MTUS2: variants seen among roughly 807,000 people sequenced by gnomAD.
The protein encoded by MTUS2 is microtubule-associated tumor suppressor candidate 2.
A neutral mutation model predicts 114.1 loss-of-function variants in MTUS2; 40 were observed. The ratio of observed to expected loss-of-function variants is 0.35; its 90% CI spans 0.27 to 0.46. The LOEUF is 0.46. Among genes scored for constraint, MTUS2 ranks in the 20% least tolerant of loss-of-function variants. The probability of loss-of-function intolerance (pLI) is 1.00; values close to 1 mark genes in which losing one functional copy is unlikely to be tolerated. For missense variants in MTUS2, 1,679 were observed against 1,705.4 expected, an observed-to-expected ratio of 0.98 and a Z score of 0.27; for synonymous variants, 688 against 672.0, an observed-to-expected ratio of 1.02 and a Z score of -0.37.
At chr13:29,332,338 T>C (rs567609052) in intron 7 of MTUS2, among the ~76,000 whole-genome samples, 2 of 152,204 alleles carry the variant, frequency 1.3e-5, no homozygotes, top group Non-Finnish European at 2.9e-5. Context: ...TTTTCAAGTT[T>C]ATTTGAGTAG....
At chr13:29,144,807 A>G (rs773864021) in intron 5 of MTUS2, among the ~76,000 whole-genome samples, 68 of 152,252 alleles carry the variant, frequency 4.5e-4, no homozygotes, top group Admixed American at 1.8e-3. Flanking sequence ...TTGATTATAA[A>G]TAAGTCACAG....
intron 8 of MTUS2, among the ~76,000 whole-genome samples, chr13:29,433,214 T>C (rs1251769174): frequency 6.6e-6 from 1 of 152,244 alleles, no homozygotes; most frequent in Non-Finnish European, 1.5e-5. Flanking sequence ...GATGTCTTTT[T>C]ACCCAGTGAC....
At chr13:29,050,588 A>C (rs1477203384) in intron 4 of MTUS2, among the ~76,000 whole-genome samples, 1 of 152,110 alleles carries the variant, frequency 6.6e-6, no homozygotes, top group African/African-American at 2.4e-5. Flanking sequence ...CATCAGCGTC[A>C]TCTTACCCCC....
chr13:29,179,527 G>C (rs766959681), intron 5 of MTUS2, among the ~76,000 whole-genome samples: 1 of 152,158 alleles, frequency 6.6e-6, no homozygotes, highest in Non-Finnish European at 1.5e-5. Flanking sequence ...GACTGAGGAG[G>C]TGTTTATACC....
At chr13:29,370,536 G>C (rs1306113433) in intron 8 of MTUS2, among the ~76,000 whole-genome samples, 2 of 152,158 alleles carry the variant, frequency 1.3e-5, no homozygotes, top group East Asian at 3.9e-4. Context: ...CATTATCCTG[G>C]AGTGGACTCT....
chr13:29,285,806 T>G (rs771586000), intron 6 of MTUS2, among the ~76,000 whole-genome samples: 19 of 152,326 alleles, frequency 1.2e-4, no homozygotes, highest in Non-Finnish European at 2.8e-4. Flanking sequence ...TTGGAGCTAA[T>G]TTTAGATCCT....
In MTUS2 at chr13:29,428,650, TCTC is replaced by T. The variant is rs374512609; in HGVS notation, c.3118-11323_3118-11321del. ...CAAGATCTGATCGCTGCTGCCCTGC[TCTC>T]CTCCTCCTCTCATTCCTCTGCCTCC... On this transcript the variant is annotated intron_variant, in intron 8 of 15. Transcript: ENST00000612955. 4.4e-4 allele frequency: 431 copies of T among 982,704 alleles called. No individual in the cohort carries two copies. In the African/African-American group the frequency reaches 7.4e-3, roughly 17 times the overall value. 60.9% of individuals were successfully genotyped at this position (982,704 alleles called of 1,614,324 possible).
At chr13:29,501,658 C>T (rs925731189) in intron 15 of MTUS2, among the ~76,000 whole-genome samples, 1 of 152,146 alleles carries the variant, frequency 6.6e-6, no homozygotes, top group African/African-American at 2.4e-5. Flanking sequence ...CAGCACAATG[C>T]GGGGATAAAG....
intron 2 of MTUS2, among the ~76,000 whole-genome samples, chr13:28,881,313 T>C (rs1878275594): frequency 6.6e-6 from 1 of 152,214 alleles, no homozygotes; most frequent in South Asian, 2.1e-4. Context: ...AGTCCGTTCT[T>C]TTTAGTGGCT....
Position 29,116,632 on chromosome 13 carries a change from C to T in MTUS2, c.2644+15662C>T, listed in dbSNP as rs564586095. 9.9e-5 allele frequency among the ~76,000 whole-genome samples: 15 copies of T among 152,196 alleles called. No individual in the cohort carries two copies. In the South Asian group the frequency reaches 2.5e-3, roughly 25 times the overall value. On this transcript the variant is annotated intron_variant, in intron 5 of 15. Coordinates refer to ENST00000612955, the MANE Select transcript of MTUS2 (RefSeq NM_001033602.4). ...AGATAATTGTAATAATATGCCAGCC[C>T]GTCACTCTTCTTGCACTTTGGGGCC... is the stretch of plus-strand genomic sequence containing the variant.
intron 6 of MTUS2, among the ~76,000 whole-genome samples, chr13:29,313,252 A>G (rs564319618): frequency 2.1e-4 from 32 of 151,674 alleles, no homozygotes; most frequent in African/African-American, 7.0e-4. Context: ...GTGACTGTGG[A>G]AAAAAAAAGT....
intron 5 of MTUS2, chr13:29,250,294 G>C (rs757182718): frequency 6.6e-6 from 1 of 151,946 alleles, no homozygotes; most frequent in Non-Finnish European, 1.5e-5. Context: ...TCAAAATCCC[G>C]AGGAGCTCAG....
rs1441170711 is a variant in MTUS2, at chr13:29,480,014, CTG to C, written c.3185-132_3185-131del. The C allele has an allele frequency of 1.3e-6, 1 of 786,020 alleles. No homozygotes were observed. The highest frequency in any genetic ancestry group is 1.7e-5 in the African/African-American group (1 of 57,230). The allele number at this position is 786,020 out of a possible 1,614,324, so 48.7% of individuals were successfully genotyped here. A position where few individuals can be genotyped will look rare whatever the true frequency, so the allele number is the denominator to read the frequency against. On this transcript the variant is annotated intron_variant, in intron 9 of 15. Transcript: ENST00000612955. This position sits in a 1 kb window ranked among gnomAD's most constrained non-coding sequence, Gnocchi z 4.4. ...GGTGGAAAGGAAAGCACTTTACAAA[CTG>C]TGTAGCCCTGCAGAAGTCAGAGGAC... is the stretch of plus-strand genomic sequence containing the variant.
intron 6 of MTUS2, chr13:29,307,932 G>C: frequency 2.0e-6 from 1 of 509,906 alleles, no homozygotes; most frequent in Non-Finnish European, 3.5e-6. Flanking sequence ...GGCCTAGGGA[G>C]CCCCACCTTG....
In MTUS2 at chr13:29,371,982, C is replaced by G. The variant is rs1188541039; in HGVS notation, c.3117+12509C>G. ...TTAAGTGTCCTCAACCCCCGCCCCCCCCCCCACACACACACACAAGCACAA... is the reference window on the plus strand; with the variant it reads ...TTAAGTGTCCTCAACCCCCGCCCCCGCCCCCACACACACACACAAGCACAA... On this transcript the variant is annotated intron_variant, in intron 8 of 15. Coordinates refer to ENST00000612955, the MANE Select transcript of MTUS2 (RefSeq NM_001033602.4). Among the ~76,000 whole-genome samples the G allele has an allele frequency of 2.9e-4, 14 of 48,216 alleles. 1 individual carries two copies. In the South Asian group the frequency reaches 3.0e-3, roughly 10 times the overall value. The allele number at this position is 48,216 out of a possible 152,430, so 31.6% of individuals were successfully genotyped here.
At chr13:29,164,804 C>T (rs950413142) in intron 5 of MTUS2, among the ~76,000 whole-genome samples, 2 of 151,954 alleles carry the variant, frequency 1.3e-5, no homozygotes, top group Non-Finnish European at 2.9e-5. Context: ...TTTCTGTCCA[C>T]GTTAAGTAAA....
intron 12 of MTUS2, among the ~76,000 whole-genome samples, chr13:29,495,103 GAA>G (rs1465460552): frequency 7.0e-6 from 1 of 143,848 alleles, no homozygotes; most frequent in Non-Finnish European, 1.5e-5. Context: ...AGAATCGCTT[GAA>G]CCCCGGAGGC....
chr13:28,964,291 T>C (rs558750973), intron 2 of MTUS2, among the ~76,000 whole-genome samples: 6 of 152,360 alleles, frequency 3.9e-5, no homozygotes, highest in Non-Finnish European at 7.3e-5. Flanking sequence ...TTTTTCAGAA[T>C]GTCCTTGCTG....
rs1276054436 is a variant in MTUS2 at position 29,497,311 on chromosome 13, G to A, written c.3653G>A (p.Arg1218Lys). Residue 1218 changes from arginine (R) to lysine (K), a missense_variant, in exon 13 of 16, where the codon AGG becomes AAG. Transcript: ENST00000612955. Reference protein sequence around the residue: ...DRARRFEEALRKNTEEQLEIA... With the variant: ...DRARRFEEALKKNTEEQLEIA... ...GCCCGCCGCTTCGAAGAGGCCTTGA[G>A]GAAGAACACAGAGGAGCAGCTGGAG... 2 of 1,611,976 alleles carry A rather than the reference G, an allele frequency of 1.2e-6. No individual in the cohort carries two copies. The highest frequency in any genetic ancestry group is 1.3e-5 in the African/African-American group (1 of 74,978).
Sources: gnomAD v4.1 joint callset for allele counts (sites outside exome capture counted in the v4.1 genomes callset) on GRCh38, gnomAD v4.1.1 for gene constraint, Gnocchi (gnomAD v3.1) non-coding constraint, MANE v1.5 for transcripts, NCBI Gene and HGNC (gene_info 2026-07-23, HGNC 2026-07-21) for gene names.